CACNA1D: variants seen among roughly 807,000 people sequenced by gnomAD.
CACNA1D encodes voltage-dependent L-type calcium channel subunit alpha-1D.
A neutral mutation model predicts 257.1 loss-of-function variants in CACNA1D; 55 were observed. The ratio of observed to expected loss-of-function variants is 0.21; its 90% CI spans 0.17 to 0.27. The LOEUF (loss-of-function observed/expected upper bound fraction) is 0.27, where lower values mean the gene tolerates loss of function less well. Among genes scored for constraint, CACNA1D ranks in the 10% least tolerant of loss-of-function variants. CACNA1D has a pLI of 1.00. For synonymous variants in CACNA1D, 980 were observed against 1,014.9 expected (o/e 0.97, Z 0.65); for missense variants, 1,876 against 2,784.0 (o/e 0.67, Z 7.34).
chr3:53,514,548 T>A (rs1279623081), intron 3 of CACNA1D, among the ~76,000 whole-genome samples: 1 of 152,160 alleles, frequency 6.6e-6, no homozygotes, highest in Non-Finnish European at 1.5e-5. Flanking sequence ...CTGCATCTGC[T>A]CTTTCTCTGT....
intron 3 of CACNA1D, among the ~76,000 whole-genome samples, chr3:53,610,476 CATT>C (rs2093569629): frequency 1.3e-5 from 2 of 152,122 alleles, no homozygotes; most frequent in African/African-American, 4.8e-5. Context: ...ATGACTTTAT[CATT>C]ATGAAATGTT....
At position 53,673,981 on chromosome 3, in the gene CACNA1D, G is replaced by A. The variant is rs1576311168; in HGVS notation, c.1220+855G>A. The stretch of plus-strand genomic sequence containing the variant: ...ACTGTGATTCTTTCTGCCTGTATCT[G>A]TCTGTGAGATTCCGTGTTTCCAATG... On this transcript the variant is annotated intron_variant, in intron 8 of 47. Coordinates refer to ENST00000350061, the MANE Select transcript of CACNA1D (RefSeq NM_001128840.3). The surrounding 1 kb of genome is among the most constrained non-coding windows in gnomAD (Gnocchi z 4.1). 22 of 695,542 alleles carry A rather than the reference G, an allele frequency of 3.2e-5. No homozygotes were observed. The South Asian group carries it at 3.4e-4, about 11-fold the overall frequency. The allele number at this position is 695,542 out of a possible 1,614,324, so 43.1% of individuals were successfully genotyped here.
chr3:53,628,730 C>T (rs1278026294), intron 3 of CACNA1D, among the ~76,000 whole-genome samples: 2 of 152,156 alleles, frequency 1.3e-5, no homozygotes, highest in African/African-American at 4.8e-5. Context: ...TTTTCGAAAG[C>T]CTCAGCGGTC....
At position 53,800,215 on chromosome 3, in the gene CACNA1D, G is replaced by A. The variant is rs1445108860; in HGVS notation, c.4924-34G>A. On this transcript the variant is annotated intron_variant, in intron 40 of 47. Coordinates refer to ENST00000350061, the MANE Select transcript of CACNA1D (RefSeq NM_001128840.3). The surrounding 1 kb of genome is among the most constrained non-coding windows in gnomAD (Gnocchi z 4.3). ...CAGGCTGGCCCCAGGGCCCATGTGT[G>A]GTCTAACCTGTTCTGCCATTTTCAT... is the stretch of plus-strand genomic sequence containing the variant. 3.4e-6 allele frequency: 5 copies of A among 1,462,392 alleles called. No homozygotes were observed. The Admixed American group carries it at 5.0e-5, about 15-fold the overall frequency. The allele number at this position is 1,462,392 out of a possible 1,614,324, so 90.6% of individuals were successfully genotyped here.
intron 7 of CACNA1D, 64 bp downstream of exon 7, chr3:53,666,599 T>TGGTGGTG (rs1402458510): frequency 7.4e-7 from 1 of 1,351,386 alleles, no homozygotes; most frequent in African/African-American, 1.4e-5. Context: ...TTTTGTGAGC[T>TGGTGGTG]AGAGCCACTG....
chr3:53,624,018 T>C (rs1233282758), intron 3 of CACNA1D, among the ~76,000 whole-genome samples: 1 of 152,202 alleles, frequency 6.6e-6, no homozygotes, highest in Non-Finnish European at 1.5e-5. Flanking sequence ...GGTCATCTTC[T>C]TCCTTCTGAT....
intron 19 of CACNA1D, among the ~76,000 whole-genome samples, chr3:53,734,083 A>G (rs2095032821): frequency 6.7e-6 from 1 of 149,190 alleles, no homozygotes. Context: ...ACCTAAAGCT[A>G]CAAAGCACTC....
intron 29 of CACNA1D, among the ~76,000 whole-genome samples, chr3:53,756,188 G>A (rs529117352): frequency 7.0e-4 from 107 of 152,322 alleles, no homozygotes; most frequent in African/African-American, 2.5e-3. Flanking sequence ...AGGTGAGAAG[G>A]CATTTCAAGA....
At chr3:53,696,927 G>C (rs1008746642) in intron 8 of CACNA1D, among the ~76,000 whole-genome samples, 2 of 124,454 alleles carry the variant, frequency 1.6e-5, no homozygotes, top group African/African-American at 3.5e-5. Context: ...CCACCAGGGG[G>C]AAGTCTGGGT....
intron 3 of CACNA1D, among the ~76,000 whole-genome samples, chr3:53,560,281 G>A (rs1300961403): frequency 6.6e-6 from 1 of 152,062 alleles, no homozygotes; most frequent in Non-Finnish European, 1.5e-5. Context: ...TTACTTTTCA[G>A]AGTCCTCTGA....
intron 3 of CACNA1D, among the ~76,000 whole-genome samples, chr3:53,641,305 C>T (rs935965235): frequency 6.6e-6 from 1 of 152,118 alleles, no homozygotes; most frequent in Non-Finnish European, 1.5e-5. Flanking sequence ...GCTCCGGACA[C>T]GATTAGCTGC....
intron 3 of CACNA1D, among the ~76,000 whole-genome samples, chr3:53,632,623 T>C (rs542028170): frequency 6.6e-6 from 1 of 152,394 alleles, no homozygotes; most frequent in South Asian, 2.1e-4. Flanking sequence ...TAATCATTTC[T>C]AGCTTGTGAT....
chr3:53,706,649 C>G (rs1161684509), intron 9 of CACNA1D, among the ~76,000 whole-genome samples: 2 of 152,118 alleles, frequency 1.3e-5, no homozygotes, highest in African/African-American at 4.8e-5. Context: ...TTAGGGGGTA[C>G]AAATACCGTT....
At chr3:53,734,165 G>A (rs1326235387) in intron 19 of CACNA1D, among the ~76,000 whole-genome samples, 4 of 150,962 alleles carry the variant, frequency 2.6e-5, no homozygotes, top group East Asian at 3.9e-4. Flanking sequence ...AGGGGGGTAC[G>A]CCCAGCATTA....
At chr3:53,561,576 G>A (rs745828371) in intron 3 of CACNA1D, among the ~76,000 whole-genome samples, 4 of 152,152 alleles carry the variant, frequency 2.6e-5, no homozygotes, top group Non-Finnish European at 4.4e-5. Flanking sequence ...ATGTGTGATG[G>A]CTGTTGACAT....
intron 40 of CACNA1D, among the ~76,000 whole-genome samples, chr3:53,790,641 G>A (rs1392453140): frequency 1.3e-5 from 2 of 152,252 alleles, no homozygotes; most frequent in African/African-American, 4.8e-5. Context: ...CGAGCCGCCA[G>A]TTGGCGATGC....
intron 27 of CACNA1D, 125 bp downstream of exon 27, chr3:53,749,594 C>T (rs775104573): frequency 1.4e-6 from 1 of 738,126 alleles, no homozygotes; most frequent in East Asian, 2.6e-5. Flanking sequence ...GGGCTAGGGC[C>T]CTGTTCTAAG....
In CACNA1D at chr3:53,495,758, G is replaced by A. The variant is rs565905683; in HGVS notation, c.67+525G>A. Among the ~76,000 whole-genome samples, 37 of 152,236 alleles carry A rather than the reference G, an allele frequency of 2.4e-4. No homozygotes were observed. Among genetic ancestry groups the A allele is most frequent in the Non-Finnish European group, 4.1e-4 (28 of 68,036 alleles). The stretch of plus-strand genomic sequence containing the variant: ...GCGGGGGAGGCCCGGCCTCGGTATC[G>A]GGGAAAGGGGTTCGGGTGGAGCGTG... On this transcript the variant is annotated intron_variant, in intron 1 of 47. Transcript: ENST00000350061. The surrounding 1 kb of genome is among the most constrained non-coding windows in gnomAD (Gnocchi z 5.1).
chr3:53,560,673 A>G (rs1033212894), intron 3 of CACNA1D, among the ~76,000 whole-genome samples: 3 of 152,268 alleles, frequency 2.0e-5, no homozygotes, highest in Admixed American at 2.0e-4. Context: ...CATAACTAGT[A>G]AAGATAGCTA....
Sources: allele counts gnomAD v4.1 joint callset (sites outside exome capture counted in the v4.1 genomes callset), GRCh38; gene constraint gnomAD v4.1.1; non-coding constraint Gnocchi (gnomAD v3.1); transcripts MANE v1.5; gene names NCBI Gene and HGNC (gene_info 2026-07-23, HGNC 2026-07-21).